Variants in TENM3 observed in about 807,000 individuals in gnomAD.
TENM3 encodes teneurin transmembrane protein 3.
TENM3 carries 63 observed loss-of-function variants against 255.1 expected under a neutral mutation model. That is an observed-to-expected ratio of 0.25 (90% CI 0.20 to 0.30). The LOEUF (loss-of-function observed/expected upper bound fraction) is 0.30. TENM3 is among the 10% of genes least tolerant of loss of function. The pLI, the probability that TENM3 is intolerant of heterozygous loss-of-function variation, is 1.00. For synonymous variants in TENM3, 1,306 were observed against 1,322.3 expected (o/e 0.99, Z 0.27); for missense variants, 2,929 against 3,461.1 (o/e 0.85, Z 3.86).
chr4:182,209,818 A>G (rs1361627990), intron 1 of TENM3, among the ~76,000 whole-genome samples: 3 of 151,994 alleles, frequency 2.0e-5, no homozygotes, highest in African/African-American at 4.8e-5. Context: ...TGGGTATTCA[A>G]TTCTCAAGAG....
the TENM3 span, among the ~76,000 whole-genome samples, chr4:182,031,989 C>T: frequency 6.6e-6 from 1 of 152,160 alleles, no homozygotes; most frequent in Non-Finnish European, 1.5e-5. Flanking sequence ...AGGATCATGT[C>T]ATCTGCAAAC....
chr4:182,769,429 GA>G (rs60448131), intron 22 of TENM3, among the ~76,000 whole-genome samples: 13,556 of 142,692 alleles, frequency 0.095, 689 homozygotes, highest in African/African-American at 0.13. Flanking sequence ...GCACTGAAAT[GA>G]AAAAAAAAAA....
the TENM3 span, among the ~76,000 whole-genome samples, chr4:181,926,936 G>A: frequency 1.3e-5 from 2 of 152,068 alleles, no homozygotes; most frequent in East Asian, 3.9e-4. Flanking sequence ...CCTAGCCAAG[G>A]GAAGCCGTGA....
chr4:182,273,473 T>A (rs1293017357), intron 1 of TENM3, among the ~76,000 whole-genome samples: 2 of 152,206 alleles, frequency 1.3e-5, no homozygotes, highest in Admixed American at 1.3e-4. Flanking sequence ...GGCGAGCTAT[T>A]CTTTACTCTT....
the TENM3 span, among the ~76,000 whole-genome samples, chr4:181,833,682 G>C: frequency 0.016 from 2,488 of 151,674 alleles, 40 homozygotes; most frequent in Middle Eastern, 0.051. Context: ...GCTCTCTGCT[G>C]TTCCTCTATG....
chr4:182,019,771 C>T, the TENM3 span, among the ~76,000 whole-genome samples: 1 of 152,122 alleles, frequency 6.6e-6, no homozygotes, highest in Admixed American at 6.5e-5. Flanking sequence ...CTTAAGCAAT[C>T]CTCACACCTC....
chr4:182,575,668 G>A (rs1042443096), intron 3 of TENM3, among the ~76,000 whole-genome samples: 1 of 152,074 alleles, frequency 6.6e-6, no homozygotes, highest in African/African-American at 2.4e-5. Context: ...TATACATAAA[G>A]AATAACATTT....
intron 3 of TENM3, among the ~76,000 whole-genome samples, chr4:182,515,013 G>A (rs1737795215): frequency 6.6e-6 from 1 of 152,118 alleles, no homozygotes; most frequent in Non-Finnish European, 1.5e-5. Flanking sequence ...TTCAAAGAGG[G>A]AATAATCAGC....
At chr4:181,474,324 T>A in the TENM3 span, among the ~76,000 whole-genome samples, 1 of 152,212 alleles carries the variant, frequency 6.6e-6, no homozygotes, top group African/African-American at 2.4e-5. Context: ...GATAAAAAAT[T>A]TTTTTTAAAG....
chr4:182,157,519 C>A (rs1401835908), intron 1 of TENM3, among the ~76,000 whole-genome samples: 1 of 152,210 alleles, frequency 6.6e-6, no homozygotes, highest in Non-Finnish European at 1.5e-5. Context: ...TTCCCTCACT[C>A]TACATCAATG....
the TENM3 span, among the ~76,000 whole-genome samples, chr4:181,874,001 T>C: frequency 6.6e-6 from 1 of 152,266 alleles, no homozygotes; most frequent in East Asian, 1.9e-4. Flanking sequence ...GCAAGGCTGG[T>C]CTCAATATCC....
chr4:182,372,620 T>G (rs962293059), intron 3 of TENM3, among the ~76,000 whole-genome samples: 5 of 152,076 alleles, frequency 3.3e-5, no homozygotes, highest in African/African-American at 1.2e-4. Flanking sequence ...TTAGTTTACA[T>G]AGTAAATAGT....
intron 3 of TENM3, among the ~76,000 whole-genome samples, chr4:182,472,966 A>G (rs1387903979): frequency 6.6e-6 from 1 of 152,138 alleles, no homozygotes; most frequent in Non-Finnish European, 1.5e-5. Context: ...CTATTATATC[A>G]TGACTATTCA....
chr4:181,477,855 G>T, the TENM3 span, among the ~76,000 whole-genome samples: 1 of 152,110 alleles, frequency 6.6e-6, no homozygotes, highest in African/African-American at 2.4e-5. Flanking sequence ...AGAAAAACAG[G>T]AGTCTACAAT....
chr4:182,611,665 CA>C (rs1472197765), intron 4 of TENM3, among the ~76,000 whole-genome samples: 3 of 152,228 alleles, frequency 2.0e-5, no homozygotes, highest in African/African-American at 7.2e-5. Context: ...ATTTATTTTG[CA>C]GCAAAGTCAT....
chr4:182,442,857 C>T lies in TENM3; in HGVS notation c.511+95928C>T, dbSNP rs1357921301. ...ACATACATACATATATACACACACA[C>T]ACACACACACACACACACACACATA... On this transcript the variant is annotated intron_variant, in intron 3 of 27. Coordinates refer to ENST00000511685, the MANE Select transcript of TENM3 (RefSeq NM_001080477.4). 1.6e-3 allele frequency among the ~76,000 whole-genome samples: 236 copies of T among 146,244 alleles called. 1 individual carries two copies. Among genetic ancestry groups the T allele is most frequent in the East Asian group, 0.014 (73 of 5,048 alleles).
chr4:181,879,255 C>T, the TENM3 span, among the ~76,000 whole-genome samples: 1 of 151,422 alleles, frequency 6.6e-6, no homozygotes, highest in African/African-American at 2.4e-5. Context: ...TTTGAGAAAT[C>T]ATTACAGGCA....
chr4:182,103,639 T>C, the TENM3 span, among the ~76,000 whole-genome samples: 3 of 152,208 alleles, frequency 2.0e-5, no homozygotes, highest in Non-Finnish European at 4.4e-5. Context: ...CCCTTTTTTC[T>C]GCTGACAGCA....
At chr4:182,389,708 C>T (rs1198161772) in intron 3 of TENM3, among the ~76,000 whole-genome samples, 2 of 5,710 alleles carry the variant, frequency 3.5e-4, no homozygotes, top group Non-Finnish European at 2.3e-3. Flanking sequence ...TTTTTTGAGA[C>T]GGAGTCTCGC....
Sources: gnomAD v4.1 joint callset for allele counts (sites outside exome capture counted in the v4.1 genomes callset) on GRCh38, gnomAD v4.1.1 for gene constraint, MANE v1.5 for transcripts, NCBI Gene and HGNC (gene_info 2026-07-23, HGNC 2026-07-21) for gene names.